Variants in TYK2 observed in about 807,000 individuals in gnomAD.
The protein encoded by TYK2 is non-receptor tyrosine-protein kinase TYK2.
Under a neutral mutation model 130.9 loss-of-function variants are expected in TYK2, and 65 were observed. The ratio of observed to expected loss-of-function variants is 0.50; its 90% confidence interval spans 0.41 to 0.61. The LOEUF (loss-of-function observed/expected upper bound fraction) is 0.61, where lower values mean the gene tolerates loss of function less well. Among genes scored for constraint, TYK2 ranks in the 20% least tolerant of loss-of-function variants. The probability of loss-of-function intolerance (pLI) is 0.00; values close to 1 mark genes in which losing one functional copy is unlikely to be tolerated. For missense variants in TYK2, 1,378 were observed against 1,610.7 expected (o/e 0.86, Z 2.47); for synonymous variants, 647 against 658.9 (o/e 0.98, Z 0.28).
chr19:10,378,961 G>A (rs1337644208), intron 2 of TYK2, among the ~76,000 whole-genome samples: 2 of 152,128 alleles, frequency 1.3e-5, no homozygotes, highest in African/African-American at 4.8e-5. Context: ...TCTGCCTCCT[G>A]GGTTTAAGTG....
Position 10,365,647 on chromosome 19 carries a change from C to T in TYK2, c.881G>A (p.Arg294Gln), listed in dbSNP as rs201811978. 1.5e-5 allele frequency: 24 copies of T among 1,613,710 alleles called. No individual in the cohort carries two copies. Among genetic ancestry groups the T allele is most frequent in the Admixed American group, 6.7e-5 (4 of 60,016 alleles). Residue 294 changes from arginine to glutamine, a missense_variant, in exon 7 of 25, where the codon CGG becomes CAG. Physicochemically the swap from Arg to Gln is conservative, Grantham distance 43. Coordinates refer to ENST00000525621, the MANE Select transcript of TYK2 (RefSeq NM_003331.5). ...AQAEGEPCYI[R>Q]DSGVAPTDPG... The stretch of plus-strand genomic sequence containing the variant: ...GTCTGTAGGGGCCACCCCACTGTCC[C>T]GGATGTAGCAGGGCTCCCCCTCGGC...
intron 3 of TYK2, among the ~76,000 whole-genome samples, chr19:10,370,337 C>T (rs141678053): frequency 7.5e-5 from 11 of 147,616 alleles, no homozygotes; most frequent in Admixed American, 2.0e-4. Context: ...CCAGCCTGGG[C>T]GGCAGAGTGA....
In TYK2 at chr19:10,364,586, C is replaced by A. The variant is rs200099040; in HGVS notation, c.1367+28G>T. 11 of 1,612,304 alleles carry A rather than the reference C, an allele frequency of 6.8e-6. No individual in the cohort carries two copies. In the African/African-American group the frequency reaches 1.5e-4, roughly 21 times the overall value. The stretch of plus-strand genomic sequence containing the variant: ...GTCTAGTTGGCACCCTTGGCGGTGG[C>A]CCCCAGCGCCCCCCACCCAGCACTC... On this transcript the variant is annotated intron_variant, in intron 9 of 24. Coordinates refer to ENST00000525621, the MANE Select transcript of TYK2 (RefSeq NM_003331.5). This position sits in a 1 kb window ranked among gnomAD's most constrained non-coding sequence, Gnocchi z 4.9.
intron 14 of TYK2, among the ~76,000 whole-genome samples, chr19:10,360,499 C>CA (rs969572319): frequency 6.7e-6 from 1 of 148,982 alleles, no homozygotes; most frequent in African/African-American, 2.5e-5. Flanking sequence ...CCTAGTCTCA[C>CA]AAAAAAAGAG....
At chr19:10,375,280 G>A (rs534418214) in intron 3 of TYK2, among the ~76,000 whole-genome samples, 2 of 152,264 alleles carry the variant, frequency 1.3e-5, no homozygotes, top group Non-Finnish European at 2.9e-5. Context: ...GGAGGTAAGA[G>A]GAGTTTCTGG....
rs377517686 is a variant in TYK2, at chr19:10,365,505, C to T, written c.1011+12G>A. 61 of 1,613,488 alleles carry T rather than the reference C, an allele frequency of 3.8e-5. No homozygotes were observed. The highest frequency in any genetic ancestry group is 3.3e-4 in the Middle Eastern group (2 of 6,084). ...ACCTGAACCCCCAGGGCGGAAGGGGCGCCTTGCTCACCTCCTCCTTGTTCA... is the reference window on the plus strand; with the variant it reads ...ACCTGAACCCCCAGGGCGGAAGGGGTGCCTTGCTCACCTCCTCCTTGTTCA... On this transcript the variant is annotated intron_variant, in intron 7 of 24. Transcript: ENST00000525621.
intron 24 of TYK2, 40 bp downstream of exon 24, chr19:10,351,009 ACAG>A (rs762723916): frequency 1.2e-6 from 2 of 1,614,180 alleles, no homozygotes; most frequent in East Asian, 4.5e-5. Flanking sequence ...TGCCCTCTCC[ACAG>A]CAGGATAGTG....
At chr19:10,378,518 G>T in intron 2 of TYK2, 92 bp from the exon 3 acceptor site, 1 of 1,044,910 alleles carries the variant, frequency 9.6e-7, no homozygotes, top group Non-Finnish European at 1.4e-6. Flanking sequence ...TAAGGCCTGA[G>T]GGGAAGATTC....
chr19:10,352,467 C>T lies in TYK2; in HGVS notation c.3285G>A (p.Leu1095=). 1 of 1,610,956 alleles carries T rather than the reference C, an allele frequency of 6.2e-7. No homozygotes were observed. The highest frequency in any genetic ancestry group is 8.5e-7 in the Non-Finnish European group (1 of 1,178,430). Residue 1095 remains leucine (L), a synonymous_variant, in exon 23 of 25, where the codon CTG becomes CTA. Coordinates refer to ENST00000525621, the MANE Select transcript of TYK2 (RefSeq NM_003331.5). ...GGCTCTGGCTGGAGTCACAGTGCGT[C>T]AGCAGCTCATACAGGGTCACCCCGA... ...WSFGVTLYEL[L]THCDSSQSPP... is the part of the protein sequence containing the mutation.
In TYK2 at chr19:10,364,638, C is replaced by T. The variant is rs748101413; in HGVS notation, c.1343G>A (p.Arg448Gln). ...CAGCAGGGGTCCGTGGATCCCATCC[C>T]GGATGCTCATCACCAGCCGTGGGGG... The part of the protein sequence containing the change: ...VAPPRLVMSI[R>Q]DGIHGPLLEP... The change falls in exon 9 of 25, where the codon CGG (arginine) becomes CAG (glutamine). Residue 448 changes from arginine (R) to glutamine (Q), a missense_variant. By Grantham distance (43) the Arg-to-Gln change is conservative. Transcript: ENST00000525621. The surrounding 1 kb of genome is among the most constrained non-coding windows in gnomAD (Gnocchi z 4.9). 1.2e-5 allele frequency: 20 copies of T among 1,613,702 alleles called. No homozygotes were observed. Among genetic ancestry groups the T allele is most frequent in the African/African-American group, 1.2e-4 (9 of 74,950 alleles).
chr19:10,374,393 G>A (rs2042030547), intron 3 of TYK2, among the ~76,000 whole-genome samples: 2 of 151,574 alleles, frequency 1.3e-5, no homozygotes, highest in Admixed American at 6.6e-5. Flanking sequence ...AGACCAGCCT[G>A]GCCAACATGG....
rs754524649 is a variant in TYK2 at position 10,362,261 on chromosome 19, T to C, written c.1669+3A>G. ...CCACCCAGAGGTCCCCCTATCATCG[T>C]ACCTCCTGGTTGGGGCAGGCAACAG... On this transcript the variant is annotated splice_donor_region_variant and intron_variant, in intron 11 of 24. Coordinates refer to ENST00000525621, the MANE Select transcript of TYK2 (RefSeq NM_003331.5). 1.9e-6 allele frequency: 3 copies of C among 1,613,664 alleles called. No individual in the cohort carries two copies. Among genetic ancestry groups the C allele is most frequent in the Admixed American group, 3.3e-5 (2 of 60,020 alleles).
Position 10,353,061 on chromosome 19 carries a change from C to T in TYK2, c.3065G>A (p.Arg1022Gln). 6.3e-7 allele frequency: 1 copy of T among 1,582,118 alleles called. No homozygotes were observed. Among genetic ancestry groups the T allele is most frequent in the Non-Finnish European group, 8.6e-7 (1 of 1,162,914 alleles). ...AYLHAQHYIH[R>Q]DLAARNVLLD... ...CAGCACGTTGCGCGCGGCTAGGTCTCGGTGGATGTAGTGCTGCGCGTGCAG... is the reference window on the plus strand; with the variant it reads ...CAGCACGTTGCGCGCGGCTAGGTCTTGGTGGATGTAGTGCTGCGCGTGCAG... Residue 1022 changes from arginine (R) to glutamine (Q), a missense_variant, in exon 22 of 25, where the codon CGA (arginine) becomes CAA (glutamine). Coordinates refer to ENST00000525621, the MANE Select transcript of TYK2 (RefSeq NM_003331.5). The surrounding 1 kb of genome is among the most constrained non-coding windows in gnomAD (Gnocchi z 6.9).
chr19:10,356,754 C>T (rs757326640), intron 17 of TYK2, 36 bp from the exon 18 acceptor site: 29 of 1,564,588 alleles, frequency 1.9e-5, no homozygotes, highest in South Asian at 1.8e-4. Context: ...TCAACATCCT[C>T]CCCTCGCCCC....
chr19:10,360,159 G>T (rs1344294733), intron 14 of TYK2, among the ~76,000 whole-genome samples: 1 of 151,934 alleles, frequency 6.6e-6, no homozygotes, highest in African/African-American at 2.4e-5. Flanking sequence ...TCCAGCCTGG[G>T]TGACACAGTG....
chr19:10,352,687 C>CG lies in TYK2; in HGVS notation c.3201-137dup. 5.6e-6 allele frequency: 4 copies of CG among 717,476 alleles called. No individual in the cohort carries two copies. The South Asian group carries it at 7.4e-5, about 13-fold the overall frequency. The allele number at this position is 717,476 out of a possible 1,614,324, so 44.4% of individuals were successfully genotyped here. On this transcript the variant is annotated intron_variant, in intron 22 of 24. Transcript: ENST00000525621. ...CCCACCCTTAAGAGCGCAGCCTGAG[C>CG]GGGGTGATATGCTCATTGGCTAGGC...
Position 10,356,624 on chromosome 19 carries a change from G to T in TYK2, c.2561C>A (p.Thr854Asn), listed in dbSNP as rs1439963615. ...LTSQCLTYEP[T>N]QRPSFRTILR... ...GATGGTGCGGAATGATGGCCTCTGG[G>T]TTGGCTCATAGGTCAGACACTGGCT... Residue 854 changes from threonine (T) to asparagine (N), a missense_variant, in exon 18 of 25, where the codon ACC becomes AAC. Transcript: ENST00000525621. 6.2e-7 allele frequency: 1 copy of T among 1,613,808 alleles called. No individual in the cohort carries two copies.
chr19:10,368,602 G>A, intron 3 of TYK2, 184 bp from the exon 4 acceptor site: 1 of 768,972 alleles, frequency 1.3e-6, no homozygotes. Context: ...TGGCCTCACA[G>A]GAGGACTACA....
At chr19:10,374,908 G>T (rs2042059268) in intron 3 of TYK2, among the ~76,000 whole-genome samples, 1 of 152,072 alleles carries the variant, frequency 6.6e-6, no homozygotes, top group African/African-American at 2.4e-5. Context: ...ATCAGTCATG[G>T]CCAGGCGCGA....
Sources: gnomAD v4.1 joint callset for allele counts (sites outside exome capture counted in the v4.1 genomes callset) on GRCh38, gnomAD v4.1.1 for gene constraint, Gnocchi (gnomAD v3.1) non-coding constraint, MANE v1.5 for transcripts, NCBI Gene and HGNC (gene_info 2026-07-23, HGNC 2026-07-21) for gene names.